Variants in KIAA1328 observed in about 807,000 individuals in gnomAD.
The protein encoded by KIAA1328 is protein hinderin.
KIAA1328 carries 52 observed loss-of-function variants against 68.1 expected under a neutral mutation model. The observed-to-expected ratio is 0.76, with a 90% confidence interval of 0.61 to 0.96. The LOEUF is 0.96. Ranked by LOEUF, KIAA1328 falls within the 40% of genes least tolerant of loss-of-function variation. KIAA1328 has a pLI of 0.00. For synonymous variants in KIAA1328, 232 were observed against 239.4 expected, an observed-to-expected ratio of 0.97 and a Z score of 0.28; for missense variants, 641 against 677.6, an observed-to-expected ratio of 0.95 and a Z score of 0.60.
At chr18:37,055,528 T>A (rs1009460116) in intron 6 of KIAA1328, among the ~76,000 whole-genome samples, 13 of 152,206 alleles carry the variant, frequency 8.5e-5, no homozygotes, top group Non-Finnish European at 1.8e-4. Context: ...TGAACATTTA[T>A]TTGGGATGAG....
intron 5 of KIAA1328, among the ~76,000 whole-genome samples, chr18:36,894,001 T>TA (rs1419759984): frequency 6.6e-6 from 1 of 152,210 alleles, no homozygotes; most frequent in Non-Finnish European, 1.5e-5. Flanking sequence ...CACTTTCACT[T>TA]ACGCATTTTT....
chr18:36,945,467 A>G (rs1350132292), intron 5 of KIAA1328, among the ~76,000 whole-genome samples: 1 of 152,208 alleles, frequency 6.6e-6, no homozygotes, highest in Non-Finnish European at 1.5e-5. Context: ...GTCATTTTCA[A>G]AGAGACAAGT....
Position 37,120,085 on chromosome 18 carries a change from TA to T in KIAA1328, c.1233-40111del, listed in dbSNP as rs1377159504. On this transcript the variant is annotated intron_variant, in intron 7 of 9. Transcript: ENST00000280020. ...TATCTTTGAAACTTTCCTGGAAATCTAAAACTCTTCCAAAATGAACACTTTA... is the reference window on the plus strand; with the variant it reads ...TATCTTTGAAACTTTCCTGGAAATCTAAACTCTTCCAAAATGAACACTTTA... Among the ~76,000 whole-genome samples the T allele has an allele frequency of 2.0e-5, 3 of 152,260 alleles. No homozygotes were observed. The South Asian group carries it at 6.2e-4, about 32-fold the overall frequency.
intron 4 of KIAA1328, among the ~76,000 whole-genome samples, chr18:36,872,134 G>C (rs567101071): frequency 1.3e-5 from 2 of 152,046 alleles, no homozygotes; most frequent in African/African-American, 2.4e-5. Flanking sequence ...TAGGATACTC[G>C]TAAAAATCAC....
intron 5 of KIAA1328, among the ~76,000 whole-genome samples, chr18:36,917,987 G>GT (rs986961474): frequency 6.0e-5 from 9 of 150,858 alleles, no homozygotes; most frequent in Admixed American, 2.0e-4. Flanking sequence ...TTTTGTTTTT[G>GT]TTTTTTTTAA....
chr18:37,058,702 ACT>A (rs950946703), intron 6 of KIAA1328, among the ~76,000 whole-genome samples: 1 of 152,046 alleles, frequency 6.6e-6, no homozygotes, highest in Non-Finnish European at 1.5e-5. Flanking sequence ...ACAGAGCAAG[ACT>A]CTGTCTCTAA....
intron 6 of KIAA1328, among the ~76,000 whole-genome samples, chr18:36,987,748 A>G (rs1001544666): frequency 7.2e-5 from 11 of 151,970 alleles, no homozygotes; most frequent in African/African-American, 2.4e-4. Context: ...GGATAGATAC[A>G]TATGGCAAAA....
At chr18:37,124,087 C>T (rs1325242254) in intron 7 of KIAA1328, among the ~76,000 whole-genome samples, 10 of 152,138 alleles carry the variant, frequency 6.6e-5, no homozygotes, top group Admixed American at 5.9e-4. Context: ...TCTGAGAAGG[C>T]ATATTGAACA....
At chr18:37,067,939 G>A (rs1327486784) in intron 7 of KIAA1328, among the ~76,000 whole-genome samples, 2 of 152,130 alleles carry the variant, frequency 1.3e-5, no homozygotes, top group Non-Finnish European at 2.9e-5. Flanking sequence ...CAGATGGGTA[G>A]AACCAGAGGT....
At chr18:37,207,689 T>C (rs1168168011) in intron 9 of KIAA1328, among the ~76,000 whole-genome samples, 1 of 152,156 alleles carries the variant, frequency 6.6e-6, no homozygotes, top group East Asian at 1.9e-4. Context: ...TGAGGCCACT[T>C]CACATCTTAG....
At chr18:37,104,726 A>T (rs1299571887) in intron 7 of KIAA1328, among the ~76,000 whole-genome samples, 6 of 125,766 alleles carry the variant, frequency 4.8e-5, no homozygotes, top group Non-Finnish European at 9.7e-5. Flanking sequence ...TACACATTGT[A>T]TGCGTGCATC....
intron 6 of KIAA1328, among the ~76,000 whole-genome samples, chr18:37,029,514 C>A (rs2054735807): frequency 6.6e-6 from 1 of 152,130 alleles, no homozygotes; most frequent in Non-Finnish European, 1.5e-5. Flanking sequence ...TCTGGGACCA[C>A]AGACAAGCAC....
At chr18:36,970,278 A>G (rs903783583) in intron 6 of KIAA1328, among the ~76,000 whole-genome samples, 7 of 152,232 alleles carry the variant, frequency 4.6e-5, no homozygotes, top group African/African-American at 1.7e-4. Flanking sequence ...CAGACTCTCA[A>G]TACATTAGGT....
chr18:37,051,048 A>G (rs1380887181), intron 6 of KIAA1328, among the ~76,000 whole-genome samples: 5 of 152,194 alleles, frequency 3.3e-5, no homozygotes, highest in Admixed American at 3.3e-4. Flanking sequence ...CCTAACTAAT[A>G]GTATTAGAAT....
chr18:36,948,566 T>TC (rs1281259761), intron 5 of KIAA1328, among the ~76,000 whole-genome samples: 1 of 151,078 alleles, frequency 6.6e-6, no homozygotes, highest in African/African-American at 2.4e-5. Context: ...TTTTTTTTTT[T>TC]TTTGAGACAG....
intron 7 of KIAA1328, among the ~76,000 whole-genome samples, chr18:37,094,358 G>A (rs80103140): frequency 6.7e-6 from 1 of 150,210 alleles, no homozygotes; most frequent in Non-Finnish European, 1.5e-5. Flanking sequence ...AAGTGCTGAT[G>A]GGAAAAAAAA....
At chr18:37,148,491 C>G (rs922976740) in intron 7 of KIAA1328, among the ~76,000 whole-genome samples, 3 of 152,106 alleles carry the variant, frequency 2.0e-5, no homozygotes, top group Admixed American at 2.0e-4. Context: ...TGGGTATATA[C>G]CCAGTAATGG....
In KIAA1328 at chr18:37,067,110, C is replaced by G; in HGVS notation, c.797C>G (p.Thr266Ser). ...KDDLDKIPSETTTCNCESPGR... is the reference protein window; with the variant it reads ...KDDLDKIPSESTTCNCESPGR... ...GATCTAGATAAGATACCATCAGAGA[C>G]CACAACATGTAATTGTGAATCTCCA... Residue 266 changes from threonine (T) to serine (S), a missense_variant, in exon 7 of 10, where the codon ACC (threonine) becomes AGC (serine). Coordinates refer to ENST00000280020, the MANE Select transcript of KIAA1328 (RefSeq NM_020776.3). The G allele has an allele frequency of 6.2e-7, 1 of 1,613,962 alleles. No homozygotes were observed. The highest frequency in any genetic ancestry group is 1.1e-5 in the South Asian group (1 of 91,084).
intron 7 of KIAA1328, among the ~76,000 whole-genome samples, chr18:37,149,616 T>C (rs752068675): frequency 3.3e-5 from 5 of 152,176 alleles, no homozygotes; most frequent in African/African-American, 1.2e-4. Context: ...CTATGGTAAG[T>C]ATTTGTGTAC....
Sources: allele counts gnomAD v4.1 joint callset (sites outside exome capture counted in the v4.1 genomes callset), GRCh38; gene constraint gnomAD v4.1.1; transcripts MANE v1.5; gene names NCBI Gene and HGNC (gene_info 2026-07-23, HGNC 2026-07-21).